Variants in MACROD2 observed in about 807,000 individuals in gnomAD.
MACROD2 encodes mono-ADP ribosylhydrolase 2.
Under a neutral mutation model 70.4 loss-of-function variants are expected in MACROD2, and 36 were observed. The observed-to-expected ratio is 0.51, with a 90% CI of 0.39 to 0.68. The LOEUF is 0.68. Ranked by LOEUF, MACROD2 falls within the 30% of genes least tolerant of loss-of-function variation. The pLI is 0.00. For synonymous variants in MACROD2, 172 were observed against 178.8 expected (o/e 0.96, Z 0.30); for missense variants, 496 against 538.4 (o/e 0.92, Z 0.78).
chr20:14,990,196 C>T (rs189121345), intron 5 of MACROD2, among the ~76,000 whole-genome samples: 2 of 151,974 alleles, frequency 1.3e-5, no homozygotes, highest in Non-Finnish European at 2.9e-5. Context: ...CCTATGTCAA[C>T]GAATGGGTTT....
At chr20:15,081,135 G>GT (rs1363888694) in intron 5 of MACROD2, among the ~76,000 whole-genome samples, 1 of 151,990 alleles carries the variant, frequency 6.6e-6, no homozygotes, top group Non-Finnish European at 1.5e-5. Flanking sequence ...TCACTGAATG[G>GT]TTTTTACATC....
chr20:14,237,626 T>C (rs2081889096), intron 3 of MACROD2, among the ~76,000 whole-genome samples: 1 of 151,920 alleles, frequency 6.6e-6, no homozygotes, highest in African/African-American at 2.4e-5. Context: ...TGTGCCATGC[T>C]GGTGTGCTGC....
At chr20:15,171,095 G>C (rs1402614918) in intron 5 of MACROD2, among the ~76,000 whole-genome samples, 2 of 152,142 alleles carry the variant, frequency 1.3e-5, no homozygotes, top group Non-Finnish European at 2.9e-5. Context: ...ATCCCCCTGG[G>C]GGACCTAGCG....
intron 8 of MACROD2, among the ~76,000 whole-genome samples, chr20:15,673,485 T>A (rs764299814): frequency 8.5e-5 from 13 of 152,164 alleles, no homozygotes; most frequent in Non-Finnish European, 1.8e-4. Context: ...TCAGTTCCAC[T>A]AAATCCCAAT....
At chr20:15,212,086 T>C (rs1033142296) in intron 5 of MACROD2, among the ~76,000 whole-genome samples, 13 of 152,226 alleles carry the variant, frequency 8.5e-5, no homozygotes, top group African/African-American at 2.9e-4. Flanking sequence ...TAGTTTTGAT[T>C]TGCATTTCCG....
At chr20:14,448,446 G>A (rs1244621749) in intron 3 of MACROD2, among the ~76,000 whole-genome samples, 1 of 151,982 alleles carries the variant, frequency 6.6e-6, no homozygotes, top group Non-Finnish European at 1.5e-5. Context: ...GGAGGCCGAG[G>A]TGGGCAGATC....
chr20:14,677,163 C>T (rs2070871850), intron 4 of MACROD2, among the ~76,000 whole-genome samples: 1 of 152,052 alleles, frequency 6.6e-6, no homozygotes, highest in Admixed American at 6.6e-5. Context: ...GCCAGAGAGG[C>T]AGATTGGACT....
chr20:14,609,804 T>TG (rs1317996451), intron 4 of MACROD2, among the ~76,000 whole-genome samples: 3 of 152,122 alleles, frequency 2.0e-5, no homozygotes, highest in Admixed American at 6.6e-5. Flanking sequence ...ATAACAGGAC[T>TG]GTCTGGGGTC....
At chr20:15,541,574 T>C (rs1193398081) in intron 8 of MACROD2, among the ~76,000 whole-genome samples, 1 of 152,160 alleles carries the variant, frequency 6.6e-6, no homozygotes, top group Non-Finnish European at 1.5e-5. Context: ...CAAAGCAGCA[T>C]CTGGTTTGAT....
chr20:15,739,763 A>G (rs891142449), intron 8 of MACROD2, among the ~76,000 whole-genome samples: 5 of 152,212 alleles, frequency 3.3e-5, no homozygotes, highest in African/African-American at 1.2e-4. Context: ...ATTACATGAC[A>G]GAGATGATAG....
chr20:14,961,417 C>T (rs1568899041), intron 5 of MACROD2, among the ~76,000 whole-genome samples: 1 of 152,108 alleles, frequency 6.6e-6, no homozygotes, highest in Non-Finnish European at 1.5e-5. Flanking sequence ...ATACCCATTC[C>T]AGGGCACTTT....
chr20:14,630,321 C>T (rs1932937), intron 4 of MACROD2, among the ~76,000 whole-genome samples: 23,170 of 152,126 alleles, frequency 0.15, 2,040 homozygotes, highest in South Asian at 0.22. Context: ...AGCATCTACA[C>T]CGATTTCTAT....
chr20:15,644,116 T>C (rs1350005182), intron 8 of MACROD2, among the ~76,000 whole-genome samples: 1 of 152,136 alleles, frequency 6.6e-6, no homozygotes, highest in African/African-American at 2.4e-5. Context: ...AAACAAGATC[T>C]TGTTCCTAAG....
intron 3 of MACROD2, among the ~76,000 whole-genome samples, chr20:14,462,482 G>A (rs994548856): frequency 6.6e-6 from 1 of 152,010 alleles, no homozygotes; most frequent in Non-Finnish European, 1.5e-5. Context: ...CATTCTGTAG[G>A]TTGCCTGTTC....
At chr20:14,430,263 CAGA>C (rs756441995) in intron 3 of MACROD2, among the ~76,000 whole-genome samples, 20 of 152,218 alleles carry the variant, frequency 1.3e-4, no homozygotes, top group Non-Finnish European at 2.2e-4. Flanking sequence ...AAAGACTTAG[CAGA>C]AGGAGGTGAC....
At chr20:14,208,013 A>C (rs553484012) in intron 3 of MACROD2, among the ~76,000 whole-genome samples, 1 of 152,228 alleles carries the variant, frequency 6.6e-6, no homozygotes, top group East Asian at 1.9e-4. Context: ...AGTTGAAGTG[A>C]AAACAATTTC....
chr20:15,802,105 T>G (rs555266886), intron 8 of MACROD2, among the ~76,000 whole-genome samples: 1 of 152,242 alleles, frequency 6.6e-6, no homozygotes, highest in South Asian at 2.1e-4. Flanking sequence ...TCAGTGAAAT[T>G]TTTAGGTTAG....
chr20:15,553,532 C>T (rs1424109321), intron 8 of MACROD2, among the ~76,000 whole-genome samples: 1 of 152,156 alleles, frequency 6.6e-6, no homozygotes, highest in African/African-American at 2.4e-5. Context: ...CGATCTCCTA[C>T]CTCAGCCTCC....
intron 5 of MACROD2, among the ~76,000 whole-genome samples, chr20:14,960,931 A>T (rs2074577798): frequency 6.6e-6 from 1 of 152,136 alleles, no homozygotes; most frequent in Admixed American, 6.5e-5. Flanking sequence ...TTCTGCCCAC[A>T]TGGTTCTTTT....
Sources: gnomAD v4.1 joint callset for allele counts (sites outside exome capture counted in the v4.1 genomes callset) on GRCh38, gnomAD v4.1.1 for gene constraint, MANE v1.5 for transcripts, NCBI Gene and HGNC (gene_info 2026-07-23, HGNC 2026-07-21) for gene names.